NBAS: variants seen among roughly 807,000 people sequenced by gnomAD.
NBAS encodes the protein NBAS subunit of NRZ tethering complex.
NBAS carries 219 observed loss-of-function variants against 302.5 expected under a neutral mutation model. That is an observed-to-expected ratio of 0.72 (90% CI 0.65 to 0.81). The LOEUF (loss-of-function observed/expected upper bound fraction) is 0.81. Among genes scored for constraint, NBAS ranks in the 30% least tolerant of loss-of-function variants. The pLI, the probability that NBAS is intolerant of heterozygous loss-of-function variation, is 0.00. For synonymous variants in NBAS, 1,118 were observed against 1,021.6 expected (o/e 1.09, Z -1.80); for missense variants, 2,932 against 2,841.6 (o/e 1.03, Z -0.72).
At chr2:14,950,785 T>TA in the NBAS span, among the ~76,000 whole-genome samples, 1 of 152,118 alleles carries the variant, frequency 6.6e-6, no homozygotes, top group Non-Finnish European at 1.5e-5. Flanking sequence ...AAACATTTGA[T>TA]AAAAAAAGAA....
the NBAS span, among the ~76,000 whole-genome samples, chr2:14,898,964 G>T: frequency 6.6e-6 from 1 of 152,016 alleles, no homozygotes; most frequent in Non-Finnish European, 1.5e-5. Context: ...CCTCACTTGG[G>T]GTCTCTCATG....
chr2:15,012,492 A>T, the NBAS span, among the ~76,000 whole-genome samples: 9 of 152,214 alleles, frequency 5.9e-5, no homozygotes, highest in Non-Finnish European at 1.0e-4. Flanking sequence ...ATTTAATGAA[A>T]TGACAGCTAA....
intron 19 of NBAS, among the ~76,000 whole-genome samples, chr2:15,465,361 T>C (rs1334140782): frequency 6.6e-6 from 1 of 152,174 alleles, no homozygotes; most frequent in Non-Finnish European, 1.5e-5. Flanking sequence ...CAGGAAGAAT[T>C]TGACATTCTT....
chr2:15,183,766 T>G (rs1664938749), intron 50 of NBAS, among the ~76,000 whole-genome samples: 1 of 152,212 alleles, frequency 6.6e-6, no homozygotes, highest in Admixed American at 6.5e-5. Context: ...GCTCCTAGTC[T>G]TAATAAAGAG....
the NBAS span, among the ~76,000 whole-genome samples, chr2:15,021,752 T>C: frequency 2.0e-5 from 3 of 152,300 alleles, no homozygotes; most frequent in Non-Finnish European, 2.9e-5. Flanking sequence ...GGACAGCACA[T>C]AGCAGGTTGG....
chr2:14,872,747 T>A, the NBAS span, among the ~76,000 whole-genome samples: 1 of 151,814 alleles, frequency 6.6e-6, no homozygotes, highest in Non-Finnish European at 1.5e-5. Flanking sequence ...AGTGTTACAG[T>A]TCATAAACGT....
chr2:14,913,093 A>G, the NBAS span, among the ~76,000 whole-genome samples: 1 of 152,268 alleles, frequency 6.6e-6, no homozygotes, highest in Non-Finnish European at 1.5e-5. Flanking sequence ...CAAGCCACAC[A>G]TCTGCATTGG....
At chr2:15,199,845 T>G (rs1222206067) in intron 48 of NBAS, among the ~76,000 whole-genome samples, 1 of 151,684 alleles carries the variant, frequency 6.6e-6, no homozygotes, top group Admixed American at 6.6e-5. Context: ...AAATGATAGG[T>G]ATTACATTAT....
rs369836471 is a variant in NBAS, at chr2:15,504,227, G to A, written c.886-14C>T. On this transcript the variant is annotated splice_polypyrimidine_tract_variant and intron_variant, in intron 10 of 51. Coordinates refer to ENST00000281513, the MANE Select transcript of NBAS (RefSeq NM_015909.4). Reference sequence around the variant, plus strand: ...TGTCTTCGGTACCTGCAAAATAAATGCATCATATGAAGAAAGATTACTGAA... The same window carrying A: ...TGTCTTCGGTACCTGCAAAATAAATACATCATATGAAGAAAGATTACTGAA... The A allele has an allele frequency of 1.9e-6, 3 of 1,591,466 alleles. No homozygotes were observed. The Admixed American group carries it at 5.0e-5, about 27-fold the overall frequency.
At chr2:15,493,831 T>C (rs938752913) in intron 11 of NBAS, among the ~76,000 whole-genome samples, 3 of 23,118 alleles carry the variant, frequency 1.3e-4, no homozygotes, top group East Asian at 6.6e-4. Context: ...AATTTTCTCT[T>C]TTTTTTTTTT....
chr2:14,910,885 T>C, the NBAS span, among the ~76,000 whole-genome samples: 1 of 152,218 alleles, frequency 6.6e-6, no homozygotes, highest in East Asian at 1.9e-4. Context: ...CTGGGGATAG[T>C]GAAGAATCAG....
chr2:14,823,627 G>A, the NBAS span, among the ~76,000 whole-genome samples: 4 of 152,108 alleles, frequency 2.6e-5, no homozygotes, highest in East Asian at 1.9e-4. Context: ...GAAATGATTC[G>A]TTCATTCTTT....
intron 44 of NBAS, among the ~76,000 whole-genome samples, chr2:15,255,265 G>C (rs1341701230): frequency 6.6e-6 from 1 of 152,128 alleles, no homozygotes; most frequent in African/African-American, 2.4e-5. Flanking sequence ...CATTTTTGCA[G>C]GAATAAGGTG....
the NBAS span, among the ~76,000 whole-genome samples, chr2:15,068,434 G>T: frequency 1.3e-5 from 2 of 152,294 alleles, no homozygotes; most frequent in Admixed American, 6.5e-5. Context: ...GAAGGTTCTA[G>T]GTATGAATCT....
chr2:14,796,762 A>G, the NBAS span, among the ~76,000 whole-genome samples: 3 of 151,858 alleles, frequency 2.0e-5, no homozygotes, highest in South Asian at 6.3e-4. Context: ...CTCTTTCCGG[A>G]TTGATTCTGA....
At chr2:15,167,888 A>C (rs1401459970) in intron 51 of NBAS, among the ~76,000 whole-genome samples, 2 of 152,190 alleles carry the variant, frequency 1.3e-5, no homozygotes, top group Non-Finnish European at 2.9e-5. Context: ...TTTGTACTCC[A>C]TTGAGAGAAG....
intron 11 of NBAS, among the ~76,000 whole-genome samples, chr2:15,491,790 G>A (rs1046954336): frequency 1.9e-4 from 29 of 151,506 alleles, no homozygotes; most frequent in African/African-American, 6.5e-4. Context: ...CCATTTCTTC[G>A]AATCTTCATT....
At chr2:15,446,948 T>C (rs1261263431) in intron 21 of NBAS, among the ~76,000 whole-genome samples, 1 of 146,708 alleles carries the variant, frequency 6.8e-6, no homozygotes, top group Admixed American at 6.8e-5. Context: ...AATATAATTA[T>C]AAAAATATTC....
intron 32 of NBAS, among the ~76,000 whole-genome samples, chr2:15,364,211 T>C (rs1042190961): frequency 2.0e-5 from 3 of 152,186 alleles, no homozygotes; most frequent in Non-Finnish European, 2.9e-5. Context: ...GAAATGAAGC[T>C]GCCCAAATAT....
Sources: gnomAD v4.1 joint callset for allele counts (sites outside exome capture counted in the v4.1 genomes callset) on GRCh38, gnomAD v4.1.1 for gene constraint, MANE v1.5 for transcripts, NCBI Gene and HGNC (gene_info 2026-07-23, HGNC 2026-07-21) for gene names.